SHISA9: variants seen among roughly 807,000 people sequenced by gnomAD.
SHISA9 encodes the protein protein shisa-9.
SHISA9 carries 13 observed loss-of-function variants against 38.0 expected under a neutral mutation model. That is an observed-to-expected ratio of 0.34 (90% CI 0.22 to 0.54). SHISA9 has a LOEUF of 0.54. SHISA9 is among the 20% of genes least tolerant of loss of function. SHISA9 has a pLI of 0.91. For synonymous variants in SHISA9, 275 were observed against 242.0 expected (o/e 1.14, Z -1.27); for missense variants, 538 against 575.8 (o/e 0.93, Z 0.67).
chr16:13,044,728 T>C (rs574934151), intron 2 of SHISA9, among the ~76,000 whole-genome samples: 1 of 152,280 alleles, frequency 6.6e-6, no homozygotes, highest in East Asian at 1.9e-4. Flanking sequence ...GCTCAGGGGA[T>C]TAAACGGACG....
intron 2 of SHISA9, among the ~76,000 whole-genome samples, chr16:12,953,965 A>C (rs966490870): frequency 6.6e-6 from 1 of 152,190 alleles, no homozygotes; most frequent in East Asian, 1.9e-4. Context: ...AACTGCCCCT[A>C]AGATCCAGTC....
At chr16:13,403,442 A>T in the SHISA9 span, among the ~76,000 whole-genome samples, 162 of 152,340 alleles carry the variant, frequency 1.1e-3, no homozygotes, top group Non-Finnish European at 1.7e-3. Flanking sequence ...TGATTGGATG[A>T]ATGAGTGACT....
Position 13,238,813 on chromosome 16 carries a change from T to G in SHISA9, c.*3404T>G, listed in dbSNP as rs935229861. 9.4e-6 allele frequency: 1 copy of G among 106,562 alleles called. No individual in the cohort carries two copies. Among genetic ancestry groups the G allele is most frequent in the African/African-American group, 3.7e-5 (1 of 26,712 alleles). The allele number at this position is 106,562 out of a possible 1,614,324, so 6.6% of individuals were successfully genotyped here. A position where few individuals can be genotyped will look rare whatever the true frequency, so the allele number is the denominator to read the frequency against. On this transcript the variant is annotated 3_prime_UTR_variant, in exon 5 of 5. Transcript: ENST00000558583. ...TTTTTTTTTTAATGTATCCATGGAG[T>G]ATTTATTATTATTATTATTATTATT...
At chr16:13,037,061 C>G (rs2073077041) in intron 2 of SHISA9, among the ~76,000 whole-genome samples, 1 of 13,564 alleles carries the variant, frequency 7.4e-5, no homozygotes. Flanking sequence ...GGAATGATCA[C>G]ACACACACAC....
chr16:13,134,302 C>G (rs1340544112), intron 2 of SHISA9, among the ~76,000 whole-genome samples: 1 of 152,128 alleles, frequency 6.6e-6, no homozygotes, highest in African/African-American at 2.4e-5. Flanking sequence ...AAGCACATAG[C>G]ACAATGCCTG....
the SHISA9 span, among the ~76,000 whole-genome samples, chr16:13,490,984 A>G: frequency 6.6e-6 from 1 of 152,156 alleles, no homozygotes; most frequent in Admixed American, 6.5e-5. Context: ...TTGCTGCAAG[A>G]TGTATATTGA....
In SHISA9 at chr16:12,902,172, C is replaced by T. The variant is rs2071025579; in HGVS notation, c.108C>T (p.Gly36=). ...GACACGGGCAGCTGGCGCAACTGGG[C>T]GGCGTGTTGCTGCTGGCGGGGGGCA... ...RAGHGQLAQL[G]GVLLLAGGNR... Residue 36 remains glycine (G), a synonymous_variant, in exon 1 of 5, where the codon GGC becomes GGT. Coordinates refer to ENST00000558583, the MANE Select transcript of SHISA9 (RefSeq NM_001145204.3). 3 of 1,529,104 alleles carry T rather than the reference C, an allele frequency of 2.0e-6. No individual in the cohort carries two copies. Among genetic ancestry groups the T allele is most frequent in the South Asian group, 2.4e-5 (2 of 83,256 alleles). 94.7% of individuals were successfully genotyped at this position (1,529,104 alleles called of 1,614,324 possible). A position where few individuals can be genotyped will look rare whatever the true frequency, so the allele number is the denominator to read the frequency against.
At chr16:13,296,435 A>G in the SHISA9 span, among the ~76,000 whole-genome samples, 5 of 151,850 alleles carry the variant, frequency 3.3e-5, no homozygotes, top group East Asian at 1.9e-4. Flanking sequence ...GGGGGGAAAA[A>G]AACAGATCCC....
intron 2 of SHISA9, among the ~76,000 whole-genome samples, chr16:13,197,126 C>CACACACACACACACACACAG (rs1441162397): frequency 7.6e-4 from 114 of 150,246 alleles, no homozygotes; most frequent in Admixed American, 1.3e-3. Context: ...CACACACACA[C>CACACACACACACACACACAG]ACACACACAC....
intron 2 of SHISA9, among the ~76,000 whole-genome samples, chr16:12,985,971 G>C (rs909192477): frequency 3.9e-5 from 6 of 152,270 alleles, no homozygotes; most frequent in African/African-American, 1.4e-4. Flanking sequence ...CAGCGGTGGG[G>C]CCGACTTACA....
intron 4 of SHISA9, among the ~76,000 whole-genome samples, chr16:13,224,118 G>A (rs769160183): frequency 1.3e-5 from 2 of 152,212 alleles, no homozygotes; most frequent in Non-Finnish European, 2.9e-5. Context: ...AGTGAAGGCA[G>A]TAGCATAGAA....
At chr16:13,277,219 G>A in the SHISA9 span, among the ~76,000 whole-genome samples, 3 of 151,970 alleles carry the variant, frequency 2.0e-5, no homozygotes, top group Non-Finnish European at 4.4e-5. Flanking sequence ...AAGATCAGTT[G>A]GCTGTAAGTA....
At chr16:13,107,494 C>CAG (rs950133995) in intron 2 of SHISA9, among the ~76,000 whole-genome samples, 7 of 151,370 alleles carry the variant, frequency 4.6e-5, no homozygotes, top group African/African-American at 1.7e-4. Flanking sequence ...CACACACACA[C>CAG]ACACACACAC....
chr16:13,468,641 C>A, the SHISA9 span, among the ~76,000 whole-genome samples: 6 of 152,150 alleles, frequency 3.9e-5, no homozygotes, highest in African/African-American at 1.4e-4. Context: ...AATAAGAGAA[C>A]TCTAGGAGGT....
At chr16:13,079,091 TC>T (rs2073617905) in intron 2 of SHISA9, among the ~76,000 whole-genome samples, 1 of 152,182 alleles carries the variant, frequency 6.6e-6, no homozygotes, top group Admixed American at 6.5e-5. Flanking sequence ...AATAGAACTT[TC>T]CTCAGATAAT....
intron 2 of SHISA9, among the ~76,000 whole-genome samples, chr16:13,037,506 A>G (rs1005011283): frequency 6.6e-5 from 10 of 151,628 alleles, no homozygotes; most frequent in Admixed American, 4.6e-4. Flanking sequence ...AAAGACCCTC[A>G]ATGTCTGAGG....
chr16:13,432,093 A>C, the SHISA9 span, among the ~76,000 whole-genome samples: 1 of 152,206 alleles, frequency 6.6e-6, no homozygotes, highest in Admixed American at 6.5e-5. Flanking sequence ...TAACAAAATG[A>C]AAATAACCTC....
chr16:13,036,489 G>C (rs955535402), intron 2 of SHISA9, among the ~76,000 whole-genome samples: 1 of 152,088 alleles, frequency 6.6e-6, no homozygotes, highest in African/African-American at 2.4e-5. Context: ...TTATTAAGGT[G>C]GGTGAGATCT....
intron 1 of SHISA9, among the ~76,000 whole-genome samples, chr16:12,905,903 A>T (rs1391290953): frequency 6.6e-6 from 1 of 152,114 alleles, no homozygotes. Context: ...GCCTGACCGT[A>T]TTTGTATTCT....
Sources: allele counts gnomAD v4.1 joint callset (sites outside exome capture counted in the v4.1 genomes callset), GRCh38; gene constraint gnomAD v4.1.1; transcripts MANE v1.5; gene names NCBI Gene and HGNC (gene_info 2026-07-23, HGNC 2026-07-21).